The following CKMT2 variants were observed in gnomAD, a reference collection of about 807,000 sequenced individuals.
CKMT2 encodes creatine kinase, mitochondrial 2, also known as creatine kinase S-type, mitochondrial.
In CKMT2, 43 loss-of-function variants were observed where a neutral mutation model predicts 48.9. The ratio of observed to expected loss-of-function variants is 0.88; its 90% CI spans 0.69 to 1.13. The LOEUF (loss-of-function observed/expected upper bound fraction) is 1.13, where lower values mean the gene tolerates loss of function less well. Among genes scored for constraint, CKMT2 ranks in the 50% most tolerant of loss-of-function variants. CKMT2 has a pLI of 0.00. For missense variants in CKMT2, 472 were observed against 555.4 expected (o/e 0.85, Z 1.51); for synonymous variants, 206 against 213.0 (o/e 0.97, Z 0.29).
In CKMT2 at chr5:81,252,780, G is replaced by T; in HGVS notation, c.238G>T (p.Val80Leu). The stretch of plus-strand genomic sequence containing the variant: ...CATTTATGCCAAGCTTCGCAACAAG[G>T]TGACACCCAACGGCTACACGCTGGA... ...PAIYAKLRNK[V>L]TPNGYTLDQC... The change falls in exon 3 of 10, where the codon GTG becomes TTG. Residue 80 changes from valine to leucine, a missense_variant. Val to Leu is a conservative substitution (Grantham distance 32). Transcript: ENST00000254035. 1 of 1,614,238 alleles carries T rather than the reference G, an allele frequency of 6.2e-7. No homozygotes were observed. The highest frequency in any genetic ancestry group is 8.5e-7 in the Non-Finnish European group (1 of 1,180,052).
At chr5:81,250,936 A>AG in intron 1 of CKMT2, 177 bp from the exon 2 acceptor site, 1 of 237,808 alleles carries the variant, frequency 4.2e-6, no homozygotes, top group Admixed American at 9.6e-5. Context: ...AGCAAGAAAT[A>AG]GAAAACACAC....
At chr5:81,240,420 T>G (rs1162538689) in intron 1 of CKMT2, among the ~76,000 whole-genome samples, 1 of 152,154 alleles carries the variant, frequency 6.6e-6, no homozygotes, top group Admixed American at 6.5e-5. Flanking sequence ...CCCAGAGGAA[T>G]GGGGGCACAC....
At chr5:81,253,239 G>A (rs1756883763) in intron 3 of CKMT2, among the ~76,000 whole-genome samples, 1 of 152,214 alleles carries the variant, frequency 6.6e-6, no homozygotes, top group Admixed American at 6.5e-5. Flanking sequence ...AGGAGCTGAT[G>A]TGTTTGTGGC....
intron 1 of CKMT2, among the ~76,000 whole-genome samples, chr5:81,241,989 TGCACATTTAG>T (rs1312236391): frequency 1.3e-5 from 2 of 150,180 alleles, no homozygotes; most frequent in Non-Finnish European, 3.0e-5. Context: ...CAGAAGGACA[TGCACATTTAG>T]GCCTTGTACT....
At chr5:81,236,854 T>C (rs1756259732) in intron 1 of CKMT2, among the ~76,000 whole-genome samples, 1 of 152,074 alleles carries the variant, frequency 6.6e-6, no homozygotes, top group South Asian at 2.1e-4. Flanking sequence ...AGATAGAAAA[T>C]ACAAATTAAA....
At chr5:81,254,303 T>G (rs968074828) in intron 3 of CKMT2, 93 bp from the exon 4 acceptor site, 44 of 1,025,082 alleles carry the variant, frequency 4.3e-5, no homozygotes, top group Non-Finnish European at 6.5e-5. Flanking sequence ...GCATCAACTT[T>G]GGCTTTTAAG....
chr5:81,240,226 C>T (rs1355969530), intron 1 of CKMT2, among the ~76,000 whole-genome samples: 3 of 152,212 alleles, frequency 2.0e-5, no homozygotes, highest in Non-Finnish European at 4.4e-5. Context: ...TCAGTGCTGC[C>T]TGGAGTGACA....
chr5:81,263,647 C>G, intron 9 of CKMT2, 31 bp downstream of exon 9: 1 of 1,581,166 alleles, frequency 6.3e-7, no homozygotes, highest in South Asian at 1.1e-5. Context: ...CTAACATGAA[C>G]TAACAAAATC....
At chr5:81,250,127 T>A (rs1290220921) in intron 1 of CKMT2, among the ~76,000 whole-genome samples, 1 of 152,224 alleles carries the variant, frequency 6.6e-6, no homozygotes, top group Non-Finnish European at 1.5e-5. Context: ...TCATATCTCT[T>A]AATTTACATC....
Position 81,263,504 on chromosome 5 carries a change from C to T in CKMT2, c.1028C>T (p.Ser343Phe). 1 of 1,612,746 alleles carries T rather than the reference C, an allele frequency of 6.2e-7. No individual in the cohort carries two copies. Among genetic ancestry groups the T allele is most frequent in the Non-Finnish European group, 8.5e-7 (1 of 1,179,194 alleles). The change falls in exon 9 of 10, where the codon TCT becomes TTT. Residue 343 changes from serine (S) to phenylalanine (F), a missense_variant. Ser to Phe is a radical substitution (Grantham distance 155). Coordinates refer to ENST00000254035, the MANE Select transcript of CKMT2 (RefSeq NM_001099735.2). ...CCTTTGTCCTAGGACCCACGCTTTT[C>T]TAAGATCCTGGAAAACCTAAGACTC... ...IPKLSKDPRFSKILENLRLQK... is the reference protein window; with the variant it reads ...IPKLSKDPRFFKILENLRLQK...
intron 9 of CKMT2, among the ~76,000 whole-genome samples, chr5:81,265,254 A>C (rs912800746): frequency 6.6e-6 from 1 of 152,198 alleles, no homozygotes; most frequent in Non-Finnish European, 1.5e-5. Flanking sequence ...AAAAGGATAA[A>C]TAGAAAATAT....
At chr5:81,261,022 T>C (rs1170333572) in intron 8 of CKMT2, among the ~76,000 whole-genome samples, 1 of 152,158 alleles carries the variant, frequency 6.6e-6, no homozygotes, top group Non-Finnish European at 1.5e-5. Context: ...TCCACCAAAA[T>C]CAACTCAGCT....
chr5:81,264,526 C>A (rs1437363335), intron 9 of CKMT2, among the ~76,000 whole-genome samples: 1 of 152,188 alleles, frequency 6.6e-6, no homozygotes, highest in Non-Finnish European at 1.5e-5. Context: ...ACAATTAGAT[C>A]AGCCAGTGTG....
At chr5:81,263,729 A>G in intron 9 of CKMT2, 113 bp downstream of exon 9, 1 of 896,606 alleles carries the variant, frequency 1.1e-6, no homozygotes, top group Non-Finnish European at 1.7e-6. Flanking sequence ...CTCTTCGCCC[A>G]TTGAGTCCTG....
Position 81,257,141 on chromosome 5 carries a change from A to AGTGTGTGTGT in CKMT2, c.755+174_755+183dup, listed in dbSNP as rs3830407. ...CTAAATGGAAAAAGACTACTTGGAAAGTGTGTGTGTGTGTGTGTGTGTGTG... is the reference window on the plus strand; with the variant it reads ...CTAAATGGAAAAAGACTACTTGGAAAGTGTGTGTGTGTGTGTGTGTGTGTGTGTGTGTGTG... On this transcript the variant is annotated intron_variant, in intron 6 of 9. Coordinates refer to ENST00000254035, the MANE Select transcript of CKMT2 (RefSeq NM_001099735.2). The AGTGTGTGTGT allele has an allele frequency of 1.2e-3, 609 of 499,016 alleles. 2 individuals carry two copies. The highest frequency in any genetic ancestry group is 1.6e-3 in the African/African-American group (77 of 49,540). 30.9% of individuals were successfully genotyped at this position (499,016 alleles called of 1,614,324 possible).
chr5:81,248,751 ATCCT>A (rs1756697466), intron 1 of CKMT2, among the ~76,000 whole-genome samples: 1 of 152,204 alleles, frequency 6.6e-6, no homozygotes, highest in Non-Finnish European at 1.5e-5. Context: ...TTCCTGGGCT[ATCCT>A]GTAACCTATA....
At chr5:81,234,159 T>C (rs1036255382) in intron 1 of CKMT2, among the ~76,000 whole-genome samples, 4 of 151,340 alleles carry the variant, frequency 2.6e-5, no homozygotes, top group Admixed American at 6.6e-5. Context: ...GCCCCTAGAG[T>C]GGTCTGCCTT....
chr5:81,245,463 G>A (rs1756576211), intron 1 of CKMT2: 1 of 152,244 alleles, frequency 6.6e-6, no homozygotes, highest in Admixed American at 6.5e-5. Flanking sequence ...GGTACCCGAT[G>A]GTTCCCTCTC....
chr5:81,252,984 G>A, intron 3 of CKMT2, 91 bp downstream of exon 3: 4 of 1,404,180 alleles, frequency 2.8e-6, no homozygotes, highest in South Asian at 2.4e-5. Flanking sequence ...TTCTCTATGG[G>A]GCCAACTTTC....
Sources: allele counts gnomAD v4.1 joint callset (sites outside exome capture counted in the v4.1 genomes callset), GRCh38; gene constraint gnomAD v4.1.1; transcripts MANE v1.5; gene names NCBI Gene and HGNC (gene_info 2026-07-23, HGNC 2026-07-21).